The following OR2AG2 variants were observed in gnomAD, a reference collection of about 807,000 sequenced individuals.
OR2AG2 encodes olfactory receptor family 2 subfamily AG member 2, also known as olfactory receptor 2AG2.
For missense variants in OR2AG2, 390 were observed against 391.9 expected (o/e 1.00, Z 0.04); for synonymous variants, 167 against 157.1 (o/e 1.06, Z -0.47).
Position 6,767,913 on chromosome 11 carries a change from A to G in OR2AG2, c.*94T>C. 9.7e-7 allele frequency: 1 copy of G among 1,032,494 alleles called. No homozygotes were observed. The highest frequency in any genetic ancestry group is 2.5e-5 in the East Asian group (1 of 39,758). 64.0% of individuals were successfully genotyped at this position (1,032,494 alleles called of 1,614,324 possible). A position where few individuals can be genotyped will look rare whatever the true frequency, so the allele number is the denominator to read the frequency against. On this transcript the variant is annotated 3_prime_UTR_variant, in exon 2 of 2. Transcript: ENST00000641124. ...TCATCTCAGAGTACAGTATTGAAGA[A>G]TGAGTGAGTAGAGAATTTTATTTGG...
Position 6,768,393 on chromosome 11 carries a change from A to G in OR2AG2, c.565T>C (p.Cys189Arg). Reference sequence around the variant, plus strand: ...AGCTCATACCTGGAGGTATCAGCACAGGCCAACTTCAGCAAGGGTGGGATC... The same window carrying G: ...AGCTCATACCTGGAGGTATCAGCACGGGCCAACTTCAGCAAGGGTGGGATC... Reference protein sequence around the residue: ...CEIPPLLKLACADTSRYELII... With the variant: ...CEIPPLLKLARADTSRYELII... Residue 189 changes from cysteine to arginine, a missense_variant, in exon 2 of 2, where the codon TGT becomes CGT. By Grantham distance (180) the Cys-to-Arg change is radical. Coordinates refer to ENST00000641124, the MANE Select transcript of OR2AG2 (RefSeq NM_001004490.2). 6.2e-7 allele frequency: 1 copy of G among 1,614,218 alleles called. No individual in the cohort carries two copies. The highest frequency in any genetic ancestry group is 8.5e-7 in the Non-Finnish European group (1 of 1,180,026).
In OR2AG2 at chr11:6,768,515, G is replaced by C; in HGVS notation, c.443C>G (p.Ser148Cys). 6.2e-7 allele frequency: 1 copy of C among 1,614,104 alleles called. No homozygotes were observed. Among genetic ancestry groups the C allele is most frequent in the Non-Finnish European group, 8.5e-7 (1 of 1,180,008 alleles). The change falls in exon 2 of 2, where the codon TCC becomes TGC. Residue 148 changes from serine (S) to cysteine (C), a missense_variant. Ser to Cys is a moderately radical substitution (Grantham distance 112). Transcript: ENST00000641124. ...AGCAATCAGGGATGCCAGGATCCAGGATGTGGCCACCATGATCCAGCAGAC... is the reference window on the plus strand; with the variant it reads ...AGCAATCAGGGATGCCAGGATCCAGCATGTGGCCACCATGATCCAGCAGAC... ...PRVCWIMVAT[S>C]WILASLIAIG...
intron 1 of OR2AG2, among the ~76,000 whole-genome samples, chr11:6,769,935 C>T (rs1040360212): frequency 1.3e-5 from 2 of 152,132 alleles, no homozygotes; most frequent in East Asian, 3.9e-4. Flanking sequence ...TTTGTGAATG[C>T]AGTTTTTTCA....
rs576806150 is a variant in OR2AG2, at chr11:6,767,060, C to A, written c.*947G>T. ...TAGAAATATCTTTCTTTATCCTTTT[C>A]CATTCTTTCTTTCTATTTATTTATT... On this transcript the variant is annotated 3_prime_UTR_variant, in exon 2 of 2. Coordinates refer to ENST00000641124, the MANE Select transcript of OR2AG2 (RefSeq NM_001004490.2). 5.9e-5 allele frequency: 9 copies of A among 152,056 alleles called. No individual in the cohort carries two copies. The highest frequency in any genetic ancestry group is 4.6e-4 in the Admixed American group (7 of 15,260). 9.4% of individuals were successfully genotyped at this position (152,056 alleles called of 1,614,324 possible). A position where few individuals can be genotyped will look rare whatever the true frequency, so the allele number is the denominator to read the frequency against.
At chr11:6,770,583 C>T (rs529898135) in intron 1 of OR2AG2, among the ~76,000 whole-genome samples, 130 of 152,242 alleles carry the variant, frequency 8.5e-4, no homozygotes, top group African/African-American at 2.9e-3. Flanking sequence ...CTTACAAAAT[C>T]AAAACTATAA....
chr11:6,769,237 A>T lies in OR2AG2; in HGVS notation c.-280T>A. On this transcript the variant is annotated 5_prime_UTR_variant, in exon 2 of 2. It adds an upstream start codon to the 5' untranslated region. Transcript: ENST00000641124. ...GTATCCTGAAGAATAAGCCCAAGCA[A>T]ACATCTTTGTAGATAGATGAAAGCA... 1 of 353,768 alleles carries T rather than the reference A, an allele frequency of 2.8e-6. No homozygotes were observed. Among genetic ancestry groups the T allele is most frequent in the Non-Finnish European group, 5.1e-6 (1 of 196,408 alleles). 21.9% of individuals were successfully genotyped at this position (353,768 alleles called of 1,614,324 possible).
At chr11:6,771,454 G>A (rs554028688) in intron 1 of OR2AG2, among the ~76,000 whole-genome samples, 168 bp downstream of exon 1, 131 of 152,324 alleles carry the variant, frequency 8.6e-4, no homozygotes, top group African/African-American at 3.0e-3. Flanking sequence ...TCCTACATGT[G>A]CAAGATGGGT....
At position 6,768,890 on chromosome 11, in the gene OR2AG2, G is replaced by T. The variant is rs141908438; in HGVS notation, c.68C>A (p.Ser23Tyr). The change falls in exon 2 of 2, where the codon TCT becomes TAT. Residue 23 changes from serine (S) to tyrosine (Y), a missense_variant. Coordinates refer to ENST00000641124, the MANE Select transcript of OR2AG2 (RefSeq NM_001004490.2). ...AAATGTAGCATAGAGCAGTTCAGGA[G>T]ACCCACTGTCATTCAGAATCCCCAC... ...ILVGILNDSGSPELLYATFTI... is the reference protein window; with the variant it reads ...ILVGILNDSGYPELLYATFTI... 11 of 1,613,800 alleles carry T rather than the reference G, an allele frequency of 6.8e-6. No homozygotes were observed. Among genetic ancestry groups the T allele is most frequent in the Non-Finnish European group, 9.3e-6 (11 of 1,179,882 alleles).
In OR2AG2 at chr11:6,766,765, C is replaced by T. The variant is rs1368804793; in HGVS notation, c.*1242G>A. ...TAGAAAGCAAATTATAAATTTTATA[C>T]TTCCTTTTCTATGGAAACACACATG... On this transcript the variant is annotated 3_prime_UTR_variant, in exon 2 of 2. Coordinates refer to ENST00000641124, the MANE Select transcript of OR2AG2 (RefSeq NM_001004490.2). 1 of 152,138 alleles carries T rather than the reference C, an allele frequency of 6.6e-6. No individual in the cohort carries two copies. The highest frequency in any genetic ancestry group is 1.5e-5 in the Non-Finnish European group (1 of 68,012). The allele number at this position is 152,138 out of a possible 1,614,324, so 9.4% of individuals were successfully genotyped here. A position where few individuals can be genotyped will look rare whatever the true frequency, so the allele number is the denominator to read the frequency against.
At position 6,768,124 on chromosome 11, in the gene OR2AG2, G is replaced by A. The variant is rs1338608714; in HGVS notation, c.834C>T (p.Tyr278=). The change falls in exon 2 of 2, where the codon TAC becomes TAT. Residue 278 remains tyrosine (Y), a synonymous_variant. Transcript: ENST00000641124. ...PKQDNIISVF[Y]TIVTPALNPL... is the part of the protein sequence containing the mutation. ...GATTCAGGGCTGGAGTGACAATTGTGTAGAAAACAGAGATGATGTTGTCTT... is the reference window on the plus strand; with the variant it reads ...GATTCAGGGCTGGAGTGACAATTGTATAGAAAACAGAGATGATGTTGTCTT... 13 of 1,614,012 alleles carry A rather than the reference G, an allele frequency of 8.1e-6. No homozygotes were observed. The highest frequency in any genetic ancestry group is 1.7e-5 in the Admixed American group (1 of 59,990).
rs149713912 is a variant in OR2AG2 at position 6,768,370 on chromosome 11, C to G, written c.588G>C (p.Glu196Asp). 1 of 1,614,124 alleles carries G rather than the reference C, an allele frequency of 6.2e-7. No homozygotes were observed. The highest frequency in any genetic ancestry group is 8.5e-7 in the Non-Finnish European group (1 of 1,180,004). ...TCACACCTGTCACGTATATTATAAG[C>G]TCATACCTGGAGGTATCAGCACAGG... ...KLACADTSRY[E>D]LIIYVTGVTF... The change falls in exon 2 of 2, where the codon GAG (glutamate) becomes GAC (aspartate). Residue 196 changes from glutamate to aspartate, a missense_variant. Physicochemically the swap from Glu to Asp is conservative, Grantham distance 45. Transcript: ENST00000641124.
Position 6,768,502 on chromosome 11 carries a change from T to TG in OR2AG2, c.455dup (p.Ser153IlefsTer28). The TG allele has an allele frequency of 3.7e-6, 6 of 1,614,108 alleles. No individual in the cohort carries two copies. Among genetic ancestry groups the TG allele is most frequent in the Non-Finnish European group, 5.1e-6 (6 of 1,180,014 alleles). On this transcript the variant is annotated frameshift_variant, in exon 2 of 2. Transcript: ENST00000641124. LOFTEE classifies it low-confidence loss of function (END_TRUNC). ...TGGTATGTCCTATAGCAATCAGGGA[T>TG]GCCAGGATCCAGGATGTGGCCACCA...
chr11:6,767,996 A>C lies in OR2AG2; in HGVS notation c.*11T>G, dbSNP rs1847393947. 6.3e-7 allele frequency: 1 copy of C among 1,593,038 alleles called. No individual in the cohort carries two copies. Among genetic ancestry groups the C allele is most frequent in the South Asian group, 1.1e-5 (1 of 87,632 alleles). On this transcript the variant is annotated 3_prime_UTR_variant, in exon 2 of 2. Transcript: ENST00000641124. Reference sequence around the variant, plus strand: ...GAGGAGGAATGGTGAGAGGCAAGCCATGATCCTTCCCTAGAGCGTGGAATG... The same window carrying C: ...GAGGAGGAATGGTGAGAGGCAAGCCCTGATCCTTCCCTAGAGCGTGGAATG...
At position 6,768,252 on chromosome 11, in the gene OR2AG2, T is replaced by C. The variant is rs535763393; in HGVS notation, c.706A>G (p.Lys236Glu). The C allele has an allele frequency of 6.2e-7, 1 of 1,614,224 alleles. No individual in the cohort carries two copies. Among genetic ancestry groups the C allele is most frequent in the African/African-American group, 1.3e-5 (1 of 75,080 alleles). ...TGGGAAGAGCAGGTGACAAGGGCTT[T>C]CTTCCTCCCCTCATTTGATGGCATA... ...LRMPSNEGRK[K>E]ALVTCSSHLI... is the part of the protein sequence containing the mutation. Residue 236 changes from lysine (K) to glutamate (E), a missense_variant, in exon 2 of 2, where the codon AAA becomes GAA. Physicochemically the swap from Lys to Glu is moderately conservative, Grantham distance 56 (BLOSUM62 1). Coordinates refer to ENST00000641124, the MANE Select transcript of OR2AG2 (RefSeq NM_001004490.2).
chr11:6,769,793 C>A (rs931000739), intron 1 of OR2AG2, among the ~76,000 whole-genome samples: 1 of 152,050 alleles, frequency 6.6e-6, no homozygotes. Context: ...TTTCTCCCCA[C>A]AAATCTTAGG....
chr11:6,770,545 G>A (rs186624677), intron 1 of OR2AG2, among the ~76,000 whole-genome samples: 10 of 152,170 alleles, frequency 6.6e-5, no homozygotes, highest in Non-Finnish European at 1.2e-4. Context: ...GTTTCACCAC[G>A]CAATGTAGTC....
chr11:6,771,855 C>T lies in OR2AG2; in HGVS notation c.-771G>A, dbSNP rs914096187. 2.0e-5 allele frequency: 3 copies of T among 152,224 alleles called. No homozygotes were observed. Among genetic ancestry groups the T allele is most frequent in the Non-Finnish European group, 2.9e-5 (2 of 68,050 alleles). The allele number at this position is 152,224 out of a possible 1,614,324, so 9.4% of individuals were successfully genotyped here. On this transcript the variant is annotated 5_prime_UTR_variant, in exon 1 of 2. Coordinates refer to ENST00000641124, the MANE Select transcript of OR2AG2 (RefSeq NM_001004490.2). ...CCTGCAGAAGTGAGGAGCTGAATCT[C>T]TTCCAAAGTTCTCTCATTCACTGTC...
Position 6,768,292 on chromosome 11 carries a change from T to A in OR2AG2, c.666A>T (p.Leu222=). 1 of 1,614,012 alleles carries A rather than the reference T, an allele frequency of 6.2e-7. No homozygotes were observed. The highest frequency in any genetic ancestry group is 8.5e-7 in the Non-Finnish European group (1 of 1,179,992). The part of the protein sequence containing the change: ...SAIVASYTLV[L]FTVLRMPSNE... ...TTGATGGCATACGAAGCACAGTGAATAGGACTAGTGTGTAGGAGGCCACAA... is the reference window on the plus strand; with the variant it reads ...TTGATGGCATACGAAGCACAGTGAAAAGGACTAGTGTGTAGGAGGCCACAA... Residue 222 remains leucine (L), a synonymous_variant, in exon 2 of 2, where the codon CTA becomes CTT. Coordinates refer to ENST00000641124, the MANE Select transcript of OR2AG2 (RefSeq NM_001004490.2).
chr11:6,768,782 A>T lies in OR2AG2; in HGVS notation c.176T>A (p.Met59Lys), dbSNP rs1458506662. The change falls in exon 2 of 2, where the codon ATG becomes AAG. Residue 59 changes from methionine (M) to lysine (K), a missense_variant. By Grantham distance (95) the Met-to-Lys change is moderately conservative. Coordinates refer to ENST00000641124, the MANE Select transcript of OR2AG2 (RefSeq NM_001004490.2). The stretch of plus-strand genomic sequence containing the variant: ...AGAGAGCTGCCCAAGCAGGAGGTAC[A>T]TGGGCATGTGGAGCCGGGCTTCTAT... ...ITIEARLHMPMYLLLGQLSLM... is the reference protein window; with the variant it reads ...ITIEARLHMPKYLLLGQLSLM... 6.2e-7 allele frequency: 1 copy of T among 1,614,018 alleles called. No individual in the cohort carries two copies. The highest frequency in any genetic ancestry group is 2.2e-5 in the East Asian group (1 of 44,876).
Sources: gnomAD v4.1 joint callset for allele counts (sites outside exome capture counted in the v4.1 genomes callset) on GRCh38, gnomAD v4.1.1 for gene constraint, MANE v1.5 for transcripts, NCBI Gene and HGNC (gene_info 2026-07-23, HGNC 2026-07-21) for gene names.